The following PRKCA variants were observed in gnomAD, a reference collection of about 807,000 sequenced individuals.
PRKCA encodes protein kinase C alpha.
A neutral mutation model predicts 87.0 loss-of-function variants in PRKCA; 27 were observed. That is an observed-to-expected ratio of 0.31 (90% CI 0.23 to 0.43). The LOEUF is 0.43. Among genes scored for constraint, PRKCA ranks in the 20% least tolerant of loss-of-function variants. The probability of loss-of-function intolerance (pLI) is 1.00; values close to 1 mark genes in which losing one functional copy is unlikely to be tolerated. For synonymous variants in PRKCA, 329 were observed against 311.1 expected, an observed-to-expected ratio of 1.06 and a Z score of -0.61; for missense variants, 518 against 852.3, an observed-to-expected ratio of 0.61 and a Z score of 4.88.
chr17:66,581,943 A>G (rs1028700270), intron 3 of PRKCA, among the ~76,000 whole-genome samples: 14 of 152,090 alleles, frequency 9.2e-5, no homozygotes, highest in African/African-American at 2.9e-4. Context: ...TTCATCTTCT[A>G]TGGGATGGGG....
Position 66,768,261 on chromosome 17 carries a change from T to TTG in PRKCA, c.1525-5726_1525-5725insTG, listed in dbSNP as rs777128976. ...GCCCAGCCATTTTTTTTTTTTTTTT[T>TTG]GGGGGGGAGAGATTAGGGTCTTGCT... On this transcript the variant is annotated intron_variant, in intron 13 of 16. Transcript: ENST00000413366. Among the ~76,000 whole-genome samples, 283 of 128,094 alleles carry TTG rather than the reference T, an allele frequency of 2.2e-3. 1 individual carries two copies. The highest frequency in any genetic ancestry group is 0.013 in the Middle Eastern group (3 of 240). 84.0% of individuals were successfully genotyped at this position (128,094 alleles called of 152,430 possible).
At chr17:66,387,582 T>A (rs1252830108) in intron 2 of PRKCA, among the ~76,000 whole-genome samples, 1 of 152,170 alleles carries the variant, frequency 6.6e-6, no homozygotes, top group African/African-American at 2.4e-5. Context: ...TTGGGACAAG[T>A]GGCTTTTAGC....
chr17:66,486,309 T>A (rs776409784), intron 2 of PRKCA, among the ~76,000 whole-genome samples: 13 of 152,184 alleles, frequency 8.5e-5, no homozygotes, highest in Non-Finnish European at 1.3e-4. Context: ...TTCATTGTAG[T>A]TCTGAGTTGA....
chr17:66,786,348 G>C (rs548663103), intron 14 of PRKCA, among the ~76,000 whole-genome samples: 3 of 152,298 alleles, frequency 2.0e-5, no homozygotes, highest in East Asian at 1.9e-4. Context: ...CTGCTGTGCA[G>C]CTGGAAGGCC....
At chr17:66,573,913 C>A (rs1405387421) in intron 3 of PRKCA, among the ~76,000 whole-genome samples, 1 of 152,084 alleles carries the variant, frequency 6.6e-6, no homozygotes, top group Non-Finnish European at 1.5e-5. Flanking sequence ...TCACTTGAGG[C>A]CAAAGAGTTT....
In PRKCA at chr17:66,531,802, T is replaced by A. The variant is rs530121643; in HGVS notation, c.288+35519T>A. 1.2e-3 allele frequency among the ~76,000 whole-genome samples: 177 copies of A among 152,312 alleles called. 1 individual carries two copies. Among genetic ancestry groups the A allele is most frequent in the African/African-American group, 4.1e-3 (169 of 41,568 alleles). ...TGATGGATGCCAGACATTGTGGATA[T>A]CTGCAAGTCCTGGTTGGTGACCAGG... On this transcript the variant is annotated intron_variant, in intron 3 of 16. Transcript: ENST00000413366.
intron 3 of PRKCA, among the ~76,000 whole-genome samples, chr17:66,634,798 ATACTTAATCC>A: frequency 6.6e-6 from 1 of 152,208 alleles, no homozygotes; most frequent in South Asian, 2.1e-4. Context: ...GATAAAGTTA[ATACTTAATCC>A]TCAGTTCGGC....
chr17:66,807,524 A>G lies in PRKCA; in HGVS notation c.*3487A>G, dbSNP rs1381872898. 6.6e-6 allele frequency: 1 copy of G among 152,242 alleles called. No individual in the cohort carries two copies. Among genetic ancestry groups the G allele is most frequent in the Admixed American group, 6.5e-5 (1 of 15,288 alleles). The allele number at this position is 152,242 out of a possible 1,614,324, so 9.4% of individuals were successfully genotyped here. A position where few individuals can be genotyped will look rare whatever the true frequency, so the allele number is the denominator to read the frequency against. Reference sequence around the variant, plus strand: ...GGCAGATCAGAAACCACAGGAGTCAAAATTATTGCTCCGGCAGTGCTTCCC... The same window carrying G: ...GGCAGATCAGAAACCACAGGAGTCAGAATTATTGCTCCGGCAGTGCTTCCC... On this transcript the variant is annotated 3_prime_UTR_variant, in exon 17 of 17. Transcript: ENST00000413366. This position sits in a 1 kb window ranked among gnomAD's most constrained non-coding sequence, Gnocchi z 4.3.
rs79784347 is a variant in PRKCA at position 66,724,689 on chromosome 17, A to G, written c.919-7999A>G. Among the ~76,000 whole-genome samples, 10 of 152,322 alleles carry G rather than the reference A, an allele frequency of 6.6e-5. No homozygotes were observed. The East Asian group carries it at 1.7e-3, about 26-fold the overall frequency. ...TCTGGCCACGTTGGGCCGTGTTTGT[A>G]TTGCTGGAGTAAAGGATGCCAGCAC... On this transcript the variant is annotated intron_variant, in intron 8 of 16. Coordinates refer to ENST00000413366, the MANE Select transcript of PRKCA (RefSeq NM_002737.3).
At chr17:66,374,777 G>GA (rs1428170530) in intron 2 of PRKCA, among the ~76,000 whole-genome samples, 1 of 149,080 alleles carries the variant, frequency 6.7e-6, no homozygotes, top group Non-Finnish European at 1.5e-5. Context: ...GTCCAGGCTG[G>GA]AGCACAGTGG....
chr17:66,500,725 T>G (rs1198702496), intron 3 of PRKCA, among the ~76,000 whole-genome samples: 2 of 152,194 alleles, frequency 1.3e-5, no homozygotes, highest in Non-Finnish European at 2.9e-5. Context: ...CCTTGGTGCA[T>G]TTGTTGAAAA....
chr17:66,756,044 T>C (rs567160732), intron 13 of PRKCA, among the ~76,000 whole-genome samples: 1 of 152,320 alleles, frequency 6.6e-6, no homozygotes, highest in East Asian at 1.9e-4. Flanking sequence ...GGAGGCTAAG[T>C]GTGGACAAGT....
At chr17:66,793,327 C>T (rs1020982199) in intron 16 of PRKCA, among the ~76,000 whole-genome samples, 20 of 152,044 alleles carry the variant, frequency 1.3e-4, no homozygotes, top group Admixed American at 1.2e-3. Context: ...TGGTGGCTCA[C>T]GCCTGTAATC....
At chr17:66,363,850 G>A (rs564758614) in intron 2 of PRKCA, among the ~76,000 whole-genome samples, 1 of 152,128 alleles carries the variant, frequency 6.6e-6, no homozygotes, top group African/African-American at 2.4e-5. Context: ...CTACAGGCGC[G>A]TGCCACCATG....
intron 3 of PRKCA, among the ~76,000 whole-genome samples, chr17:66,570,091 G>A (rs543366168): frequency 9.8e-5 from 15 of 152,310 alleles, no homozygotes; most frequent in Admixed American, 9.2e-4. Context: ...TGCAACAAAA[G>A]TGTGATGTCT....
intron 16 of PRKCA, among the ~76,000 whole-genome samples, chr17:66,795,720 A>G (rs1334304225): frequency 6.6e-6 from 1 of 152,232 alleles, no homozygotes; most frequent in Non-Finnish European, 1.5e-5. Context: ...CATTGTTGGC[A>G]GTGAAGGTTT....
chr17:66,445,468 G>A (rs1309291789), intron 2 of PRKCA, among the ~76,000 whole-genome samples: 1 of 152,228 alleles, frequency 6.6e-6, no homozygotes, highest in African/African-American at 2.4e-5. Context: ...CAATAAGGAG[G>A]AACTCCCCCA....
intron 2 of PRKCA, among the ~76,000 whole-genome samples, chr17:66,444,917 C>A (rs1041914336): frequency 6.6e-6 from 1 of 152,080 alleles, no homozygotes; most frequent in Non-Finnish European, 1.5e-5. Context: ...TAACACCTTT[C>A]CCCACTAATC....
At chr17:66,433,755 C>T (rs901032378) in intron 2 of PRKCA, among the ~76,000 whole-genome samples, 2 of 152,074 alleles carry the variant, frequency 1.3e-5, no homozygotes, top group Non-Finnish European at 2.9e-5. Context: ...ATGTTGCCCA[C>T]GCTGGTCTCG....
Sources: gnomAD v4.1 joint callset for allele counts (sites outside exome capture counted in the v4.1 genomes callset) on GRCh38, gnomAD v4.1.1 for gene constraint, Gnocchi (gnomAD v3.1) non-coding constraint, MANE v1.5 for transcripts, NCBI Gene and HGNC (gene_info 2026-07-23, HGNC 2026-07-21) for gene names.